ADAM22: variants seen among roughly 807,000 people sequenced by gnomAD.
ADAM22 encodes ADAM metallopeptidase domain 22, also known as disintegrin and metalloproteinase domain-containing protein 22.
In ADAM22, 65 loss-of-function variants were observed where a neutral mutation model predicts 144.6. The ratio of observed to expected loss-of-function variants is 0.45; its 90% CI spans 0.37 to 0.55. The LOEUF (loss-of-function observed/expected upper bound fraction) is 0.55. ADAM22 is among the 20% of genes least tolerant of loss of function. ADAM22 has a pLI of 0.00. For synonymous variants in ADAM22, 391 were observed against 412.6 expected (o/e 0.95, Z 0.63); for missense variants, 974 against 1,184.9 (o/e 0.82, Z 2.61).
chr7:87,938,050 A>G (rs1841654122), intron 2 of ADAM22, among the ~76,000 whole-genome samples: 1 of 152,186 alleles, frequency 6.6e-6, no homozygotes. Flanking sequence ...TCCTACAGTT[A>G]GGAAACAGAG....
intron 3 of ADAM22, among the ~76,000 whole-genome samples, chr7:88,065,873 A>G (rs1202734620): frequency 6.6e-6 from 1 of 152,118 alleles, no homozygotes; most frequent in Non-Finnish European, 1.5e-5. Flanking sequence ...TGTATTGTCA[A>G]ATTTCCCTCC....
At chr7:87,935,218 G>T (rs773073584) in intron 2 of ADAM22, 32 bp downstream of exon 2, 10 of 1,535,258 alleles carry the variant, frequency 6.5e-6, no homozygotes, top group Non-Finnish European at 8.8e-6. Context: ...GTGGTCCTCC[G>T]CGCCTCCCGG....
intron 2 of ADAM22, among the ~76,000 whole-genome samples, chr7:87,940,181 C>CAAAAAAAAAAAAAAAAAAAAAAAAAAAA (rs35309253): frequency 1.3e-5 from 1 of 76,026 alleles, no homozygotes; most frequent in Non-Finnish European, 2.7e-5. Context: ...GTCTTTATCT[C>CAAAAAAAAAAAAAAAAAAAAAAAAAAAA]AAAAAAAAAA....
chr7:88,166,133 C>A (rs753475615), intron 24 of ADAM22, among the ~76,000 whole-genome samples, 187 bp downstream of exon 24: 1 of 152,008 alleles, frequency 6.6e-6, no homozygotes, highest in East Asian at 1.9e-4. Flanking sequence ...TGTAATATTA[C>A]GTATAACTTA....
At chr7:88,100,508 G>T (rs894550572) in intron 4 of ADAM22, among the ~76,000 whole-genome samples, 3 of 152,132 alleles carry the variant, frequency 2.0e-5, no homozygotes, top group African/African-American at 7.2e-5. Flanking sequence ...TACCTGACCA[G>T]ATATTTAGCC....
intron 21 of ADAM22, among the ~76,000 whole-genome samples, chr7:88,155,126 A>G (rs1252386657): frequency 1.3e-5 from 2 of 152,198 alleles, no homozygotes; most frequent in Non-Finnish European, 2.9e-5. Flanking sequence ...AGTCTGTAAA[A>G]TAAATGCAGC....
chr7:88,142,325 C>T (rs1473579571), intron 14 of ADAM22, among the ~76,000 whole-genome samples: 2 of 152,166 alleles, frequency 1.3e-5, no homozygotes, highest in African/African-American at 4.8e-5. Flanking sequence ...CAGTCTGGAA[C>T]AGCTCCTCTT....
chr7:88,102,984 G>A (rs1563219111), intron 4 of ADAM22, among the ~76,000 whole-genome samples: 2 of 152,180 alleles, frequency 1.3e-5, no homozygotes, highest in South Asian at 4.1e-4. Context: ...AGGCAAATGT[G>A]CTTCTCTGAA....
chr7:88,142,372 G>C (rs1432973348), intron 14 of ADAM22, among the ~76,000 whole-genome samples: 1 of 152,052 alleles, frequency 6.6e-6, no homozygotes, highest in African/African-American at 2.4e-5. Context: ...TTATATTATA[G>C]GTCAGTTATT....
At chr7:88,184,223 C>T (rs1340966538) in intron 29 of ADAM22, 2 of 225,632 alleles carry the variant, frequency 8.9e-6, no homozygotes, top group Non-Finnish European at 1.9e-5. Context: ...TTGCATCTTC[C>T]TCATTGTTGT....
chr7:87,938,411 G>C (rs1311857634), intron 2 of ADAM22, among the ~76,000 whole-genome samples: 1 of 151,438 alleles, frequency 6.6e-6, no homozygotes, highest in Non-Finnish European at 1.5e-5. Flanking sequence ...TAGAGACAGG[G>C]TTTCACCATT....
In ADAM22 at chr7:88,025,051, T is replaced by C. The variant is rs539492144; in HGVS notation, c.323+46639T>C. Among the ~76,000 whole-genome samples, 443 of 152,220 alleles carry C rather than the reference T, an allele frequency of 2.9e-3. 1 individual carries two copies. Among genetic ancestry groups the C allele is most frequent in the African/African-American group, 0.01 (423 of 41,536 alleles). ...CTTTATAGCAGCATGATTTATAATC[T>C]TTTGGGTATATACCCAGTAATGGGA... On this transcript the variant is annotated intron_variant, in intron 3 of 31. Transcript: ENST00000413139.
chr7:88,183,535 T>G (rs1847603546), intron 29 of ADAM22, among the ~76,000 whole-genome samples: 1 of 152,156 alleles, frequency 6.6e-6, no homozygotes, highest in African/African-American at 2.4e-5. Context: ...TACTTATTTT[T>G]TTAAATGTTG....
chr7:88,066,765 G>A (rs1287464361), intron 3 of ADAM22, among the ~76,000 whole-genome samples: 1 of 152,034 alleles, frequency 6.6e-6, no homozygotes, highest in East Asian at 1.9e-4. Flanking sequence ...AGAGAAAGGA[G>A]AAAAACCAGG....
At chr7:88,056,611 A>G (rs1808320592) in intron 3 of ADAM22, among the ~76,000 whole-genome samples, 1 of 152,196 alleles carries the variant, frequency 6.6e-6, no homozygotes, top group Non-Finnish European at 1.5e-5. Context: ...TAGATAATCA[A>G]TCCTCTGTGT....
chr7:87,989,385 A>G (rs1247518015), intron 3 of ADAM22, among the ~76,000 whole-genome samples: 4 of 151,822 alleles, frequency 2.6e-5, no homozygotes, highest in Non-Finnish European at 4.4e-5. Context: ...ATATTATTGT[A>G]TATTATTTAT....
intron 3 of ADAM22, among the ~76,000 whole-genome samples, chr7:87,989,496 C>A (rs1187851550): frequency 6.6e-6 from 1 of 152,174 alleles, no homozygotes; most frequent in Non-Finnish European, 1.5e-5. Flanking sequence ...AACTCTTGTG[C>A]TCAAGTGATT....
intron 2 of ADAM22, among the ~76,000 whole-genome samples, chr7:87,956,722 T>G (rs901801496): frequency 6.6e-6 from 1 of 152,222 alleles, no homozygotes; most frequent in Non-Finnish European, 1.5e-5. Context: ...GTGACTGGCT[T>G]TTTTCACTTA....
chr7:88,166,905 A>G (rs906980408), intron 24 of ADAM22, among the ~76,000 whole-genome samples: 1 of 152,212 alleles, frequency 6.6e-6, no homozygotes, highest in East Asian at 1.9e-4. Context: ...GTCCCTGGAA[A>G]AAAAGGAAGG....
Sources: allele counts gnomAD v4.1 joint callset (sites outside exome capture counted in the v4.1 genomes callset), GRCh38; gene constraint gnomAD v4.1.1; transcripts MANE v1.5; gene names NCBI Gene and HGNC (gene_info 2026-07-23, HGNC 2026-07-21).